Variants in NCKAP5 observed in about 807,000 individuals in gnomAD.
The protein encoded by NCKAP5 is nck-associated protein 5.
Under a neutral mutation model 167.0 loss-of-function variants are expected in NCKAP5, and 92 were observed. That is an observed-to-expected ratio of 0.55 (90% CI 0.47 to 0.66). The LOEUF (loss-of-function observed/expected upper bound fraction) is 0.66. NCKAP5 is among the 30% of genes least tolerant of loss of function. The probability of loss-of-function intolerance (pLI) is 0.00; values close to 1 mark genes in which losing one functional copy is unlikely to be tolerated. For missense variants in NCKAP5, 2,378 were observed against 2,315.0 expected, an observed-to-expected ratio of 1.03 and a Z score of -0.56; for synonymous variants, 891 against 877.4, an observed-to-expected ratio of 1.02 and a Z score of -0.27.
intron 6 of NCKAP5, among the ~76,000 whole-genome samples, chr2:133,032,320 T>C (rs2078904829): frequency 6.6e-6 from 1 of 152,120 alleles, no homozygotes; most frequent in African/African-American, 2.4e-5. Context: ...ATTTGCTAGT[T>C]TGGCAGTACT....
At position 133,380,438 on chromosome 2, in the gene NCKAP5, A is replaced by G. The variant is rs567070138; in HGVS notation, c.70-77328T>C. ...GCTCAATAAAACTTTAATTGTCTGG[A>G]ATATAATTAACCAAAGACCTCAATC... On this transcript the variant is annotated intron_variant, in intron 3 of 19. Transcript: ENST00000409261. Among the ~76,000 whole-genome samples the G allele has an allele frequency of 1.1e-4, 16 of 152,318 alleles. No homozygotes were observed. In the South Asian group the frequency reaches 3.3e-3, roughly 32 times the overall value.
intron 19 of NCKAP5, among the ~76,000 whole-genome samples, chr2:132,725,126 T>C (rs4953986): frequency 0.76 from 114,976 of 152,082 alleles, 44,669 homozygotes; most frequent in African/African-American, 0.94. Flanking sequence ...GTTTTAAATG[T>C]CTAGAGATAA....
At chr2:132,918,730 T>C (rs1365005375) in intron 8 of NCKAP5, among the ~76,000 whole-genome samples, 2 of 152,196 alleles carry the variant, frequency 1.3e-5, no homozygotes, top group Admixed American at 6.5e-5. Context: ...GACAGTATAA[T>C]GTAAATAACA....
chr2:133,237,082 A>G (rs372725694), intron 4 of NCKAP5, among the ~76,000 whole-genome samples: 1 of 151,954 alleles, frequency 6.6e-6, no homozygotes. Flanking sequence ...TATCAAATTT[A>G]AAAAAAAGAG....
chr2:133,642,344 C>T, the NCKAP5 span, among the ~76,000 whole-genome samples: 1 of 152,164 alleles, frequency 6.6e-6, no homozygotes, highest in Admixed American at 6.5e-5. Context: ...AGACAAGTAA[C>T]ATCCAAACCA....
intron 1 of NCKAP5, among the ~76,000 whole-genome samples, chr2:133,565,502 T>C (rs1204035162): frequency 6.6e-6 from 1 of 152,220 alleles, no homozygotes; most frequent in African/African-American, 2.4e-5. Context: ...ACCAGGATCA[T>C]AAAGCCGGCA....
intron 3 of NCKAP5, among the ~76,000 whole-genome samples, chr2:133,465,729 T>G (rs1692530877): frequency 6.6e-6 from 1 of 152,112 alleles, no homozygotes; most frequent in Non-Finnish European, 1.5e-5. Flanking sequence ...TACCTCATTG[T>G]GGTTTTGATT....
At chr2:133,657,784 G>A in the NCKAP5 span, among the ~76,000 whole-genome samples, 1 of 152,092 alleles carries the variant, frequency 6.6e-6, no homozygotes, top group East Asian at 1.9e-4. Context: ...ATGGTGGAGC[G>A]GGCTAGGAAA....
Position 132,782,813 on chromosome 2 carries a change from T to TGCTC in NCKAP5, c.3997_3998insGAGC (p.Glu1333GlyfsTer36). 6.2e-7 allele frequency: 1 copy of TGCTC among 1,613,812 alleles called. No homozygotes were observed. Among genetic ancestry groups the TGCTC allele is most frequent in the South Asian group, 1.1e-5 (1 of 91,062 alleles). Reference sequence around the variant, plus strand: ...GGGCCTCCCAACACTGGGGAGACTCTCCAACATGGGAGCAGAAGGGGCCTT... The same window carrying TGCTC: ...GGGCCTCCCAACACTGGGGAGACTCTGCTCCCAACATGGGAGCAGAAGGGGCCTT... On this transcript the variant is annotated frameshift_variant, in exon 14 of 20. Transcript: ENST00000409261. LOFTEE classifies it high-confidence loss of function.
chr2:133,507,247 AG>A (rs1461529030), intron 3 of NCKAP5, among the ~76,000 whole-genome samples: 2 of 152,202 alleles, frequency 1.3e-5, no homozygotes, highest in Non-Finnish European at 2.9e-5. Flanking sequence ...CCTCACAGAA[AG>A]GGCAACAGCC....
intron 16 of NCKAP5, among the ~76,000 whole-genome samples, chr2:132,739,745 TC>T (rs991903490): frequency 6.6e-6 from 1 of 152,120 alleles, no homozygotes; most frequent in Non-Finnish European, 1.5e-5. Flanking sequence ...GGCAATCATT[TC>T]CCTGGGAGTC....
chr2:132,864,596 T>A (rs1026252941), intron 10 of NCKAP5, among the ~76,000 whole-genome samples: 5 of 152,194 alleles, frequency 3.3e-5, no homozygotes, highest in African/African-American at 1.2e-4. Context: ...GATTCTAGAC[T>A]CACTGCTATA....
At chr2:133,058,616 A>G (rs2079882038) in intron 6 of NCKAP5, among the ~76,000 whole-genome samples, 1 of 152,190 alleles carries the variant, frequency 6.6e-6, no homozygotes, top group Admixed American at 6.5e-5. Context: ...TAAAACATAA[A>G]CAGATAAGTT....
intron 6 of NCKAP5, among the ~76,000 whole-genome samples, chr2:133,015,212 T>G (rs1283840210): frequency 6.6e-6 from 1 of 152,166 alleles, no homozygotes; most frequent in African/African-American, 2.4e-5. Flanking sequence ...TCAATTTTAA[T>G]CACCATTTGA....
Position 133,551,263 on chromosome 2 carries a change from C to G in NCKAP5, c.-62+7787G>C, listed in dbSNP as rs1361555728. 3.3e-3 allele frequency among the ~76,000 whole-genome samples: 503 copies of G among 151,038 alleles called. 5 individuals carry two copies. Among genetic ancestry groups the G allele is most frequent in the African/African-American group, 0.011 (450 of 41,124 alleles). ...AACTACTTTAAAGTTCATATGGAAC[C>G]AAAAAAGAGCCCGCATCACCAAGTC... On this transcript the variant is annotated intron_variant, in intron 2 of 19. Transcript: ENST00000409261.
At chr2:132,947,677 T>C (rs1199644298) in intron 8 of NCKAP5, among the ~76,000 whole-genome samples, 2 of 152,110 alleles carry the variant, frequency 1.3e-5, no homozygotes, top group African/African-American at 4.8e-5. Context: ...GAATTCAAGG[T>C]GAAATGTGGC....
At chr2:133,555,885 C>G (rs566547501) in intron 2 of NCKAP5, among the ~76,000 whole-genome samples, 1 of 152,170 alleles carries the variant, frequency 6.6e-6, no homozygotes, top group African/African-American at 2.4e-5. Context: ...AAATGCCCAT[C>G]CATAGTAGGA....
intron 5 of NCKAP5, among the ~76,000 whole-genome samples, chr2:133,169,006 C>G (rs1009211857): frequency 4.6e-5 from 7 of 152,126 alleles, no homozygotes; most frequent in Non-Finnish European, 1.0e-4. Flanking sequence ...TAGTCGTTCT[C>G]CATCACTGTC....
At chr2:133,427,167 G>A (rs1458268622) in intron 3 of NCKAP5, among the ~76,000 whole-genome samples, 1 of 152,112 alleles carries the variant, frequency 6.6e-6, no homozygotes, top group Non-Finnish European at 1.5e-5. Flanking sequence ...AATAAAACAG[G>A]TAACTCTCTG....
Sources: allele counts gnomAD v4.1 joint callset (sites outside exome capture counted in the v4.1 genomes callset), GRCh38; gene constraint gnomAD v4.1.1; transcripts MANE v1.5; gene names NCBI Gene and HGNC (gene_info 2026-07-23, HGNC 2026-07-21).